SMIM23: variants seen among roughly 807,000 people sequenced by gnomAD.
SMIM23 encodes small integral membrane protein 23.
In SMIM23, 10 loss-of-function variants were observed where a neutral mutation model predicts 12.8. That is an observed-to-expected ratio of 0.78 (90% confidence interval 0.48 to 1.32). The LOEUF is 1.32. SMIM23 is among the 40% of genes most tolerant of loss of function. The probability of loss-of-function intolerance (pLI) is 0.00; values close to 1 mark genes in which losing one functional copy is unlikely to be tolerated. For missense variants in SMIM23, 184 were observed against 198.2 expected, an observed-to-expected ratio of 0.93 and a Z score of 0.43; for synonymous variants, 78 against 80.1, an observed-to-expected ratio of 0.97 and a Z score of 0.14.
upstream of SMIM23, among the ~76,000 whole-genome samples, chr5:171,777,437 G>A (rs190718851): frequency 4.6e-5 from 7 of 152,288 alleles, no homozygotes; most frequent in Non-Finnish European, 1.0e-4. Context: ...CTGGTTACGG[G>A]GCATGCAGAA....
chr5:171,780,474 A>C (rs922278945), upstream of SMIM23, among the ~76,000 whole-genome samples: 1 of 152,204 alleles, frequency 6.6e-6, no homozygotes, highest in Admixed American at 6.5e-5. Context: ...CTGCCTTCCG[A>C]AGGAGTTTCC....
At chr5:171,773,727 G>T in the SMIM23 span, 1 of 454,444 alleles carries the variant, frequency 2.2e-6, no homozygotes, top group South Asian at 1.6e-5. Context: ...AAGGAAGCTA[G>T]GCTGCCCAGC....
At chr5:171,784,097 C>T (rs1034028819), upstream of SMIM23, among the ~76,000 whole-genome samples, 5 of 151,772 alleles carry the variant, frequency 3.3e-5, no homozygotes, top group African/African-American at 1.2e-4. Flanking sequence ...TAAAAAATTG[C>T]TTAATAAAAT....
upstream of SMIM23, among the ~76,000 whole-genome samples, chr5:171,784,094 T>A (rs1755770085): frequency 6.6e-6 from 1 of 151,910 alleles, no homozygotes; most frequent in South Asian, 2.1e-4. Context: ...TAATAAAAAA[T>A]TGCTTAATAA....
chr5:171,791,036 AC>A lies in SMIM23; in HGVS notation c.468del (p.His156GlnfsTer8). On this transcript the variant is annotated frameshift_variant, in exon 4 of 4. Coordinates refer to ENST00000523047, the MANE Select transcript of SMIM23 (RefSeq NM_001289970.2). LOFTEE classifies it low-confidence loss of function (END_TRUNC). The stretch of plus-strand genomic sequence containing the variant: ...TGGGCCTGGGCCCTGGGGAGAGAGC[AC>A]AAAGGTGGGGAGGGGTTGCTAGAGA... ...WEWAWALGRE[H>X]KGGEGLLEIS... 1 of 1,532,180 alleles carries A rather than the reference AC, an allele frequency of 6.5e-7. No individual in the cohort carries two copies. The highest frequency in any genetic ancestry group is 8.7e-7 in the Non-Finnish European group (1 of 1,145,282). The allele number at this position is 1,532,180 out of a possible 1,614,324, so 94.9% of individuals were successfully genotyped here.
chr5:171,776,250 A>T, the SMIM23 span, among the ~76,000 whole-genome samples: 1 of 134,078 alleles, frequency 7.5e-6, no homozygotes, highest in African/African-American at 2.8e-5. Flanking sequence ...CCACGGTCTC[A>T]CAGTGAGCGG....
At chr5:171,775,362 C>G in the SMIM23 span, among the ~76,000 whole-genome samples, 1 of 152,172 alleles carries the variant, frequency 6.6e-6, no homozygotes, top group East Asian at 1.9e-4. Flanking sequence ...CCTTCGGGCC[C>G]TGCTGTCACG....
intron 1 of SMIM23, 132 bp downstream of exon 1, chr5:171,786,108 G>A: frequency 4.2e-6 from 3 of 712,412 alleles, no homozygotes; most frequent in East Asian, 5.4e-5. Context: ...CTCTGATGGA[G>A]CACAGTTTAG....
At position 171,790,563 on chromosome 5, in the gene SMIM23, CA is replaced by C; in HGVS notation, c.225+16del. The C allele has an allele frequency of 6.5e-7, 1 of 1,536,066 alleles. No individual in the cohort carries two copies. The highest frequency in any genetic ancestry group is 8.7e-7 in the Non-Finnish European group (1 of 1,146,488). On this transcript the variant is annotated intron_variant, in intron 3 of 3. Coordinates refer to ENST00000523047, the MANE Select transcript of SMIM23 (RefSeq NM_001289970.2). Reference sequence around the variant, plus strand: ...GCAGTTCCCCAGGTAACATGTCCAGCAAGGTACTGAGGTGAGGCAATCTGGG... The same window carrying C: ...GCAGTTCCCCAGGTAACATGTCCAGCAGGTACTGAGGTGAGGCAATCTGGG...
chr5:171,774,328 T>C, the SMIM23 span: 70 of 443,392 alleles, frequency 1.6e-4, no homozygotes, highest in Non-Finnish European at 2.9e-4. Flanking sequence ...AGTAATGTTG[T>C]TCCTGTTCTA....
At chr5:171,775,711 G>A in the SMIM23 span, among the ~76,000 whole-genome samples, 5 of 152,306 alleles carry the variant, frequency 3.3e-5, no homozygotes, top group South Asian at 2.1e-4. Flanking sequence ...GAGTTGCTGC[G>A]AGGATTCTAT....
chr5:171,773,180 C>G, the SMIM23 span, among the ~76,000 whole-genome samples: 3 of 152,214 alleles, frequency 2.0e-5, no homozygotes, highest in Non-Finnish European at 4.4e-5. Flanking sequence ...TTAGGCGGGT[C>G]TCTTCGGTTC....
At chr5:171,777,623 G>A (rs1204385571), upstream of SMIM23, among the ~76,000 whole-genome samples, 1 of 152,240 alleles carries the variant, frequency 6.6e-6, no homozygotes, top group Non-Finnish European at 1.5e-5. Context: ...CTACTCAGTG[G>A]CAGGTGCTGC....
the SMIM23 span, among the ~76,000 whole-genome samples, chr5:171,775,714 G>T: frequency 6.6e-6 from 1 of 152,168 alleles, no homozygotes; most frequent in Non-Finnish European, 1.5e-5. Context: ...TTGCTGCGAG[G>T]ATTCTATAAG....
the SMIM23 span, among the ~76,000 whole-genome samples, chr5:171,773,468 T>G: frequency 3.1e-3 from 472 of 152,120 alleles, no homozygotes; most frequent in Non-Finnish European, 5.5e-3. Context: ...AACAGATAAT[T>G]ACAGGGCATG....
chr5:171,784,656 A>G (rs1256864044), upstream of SMIM23, among the ~76,000 whole-genome samples: 1 of 152,230 alleles, frequency 6.6e-6, no homozygotes, highest in African/African-American at 2.4e-5. Context: ...CCATGATGCT[A>G]TGGCCCAGCA....
At chr5:171,777,604 A>G (rs994044057), upstream of SMIM23, among the ~76,000 whole-genome samples, 2 of 152,186 alleles carry the variant, frequency 1.3e-5, no homozygotes, top group African/African-American at 4.8e-5. Context: ...GTGAACAAAC[A>G]CTGAGCTTCT....
At chr5:171,788,233 T>C (rs1755854891) in intron 1 of SMIM23, among the ~76,000 whole-genome samples, 1 of 151,136 alleles carries the variant, frequency 6.6e-6, no homozygotes, top group Non-Finnish European at 1.5e-5. Flanking sequence ...AAAGCCATGG[T>C]CAAAATTTCC....
the SMIM23 span, among the ~76,000 whole-genome samples, chr5:171,775,527 G>A: frequency 6.6e-6 from 1 of 152,158 alleles, no homozygotes; most frequent in Non-Finnish European, 1.5e-5. Flanking sequence ...CTTTGCCTGA[G>A]TCTGTCTCCT....
Sources: gnomAD v4.1 joint callset for allele counts (sites outside exome capture counted in the v4.1 genomes callset) on GRCh38, gnomAD v4.1.1 for gene constraint, MANE v1.5 for transcripts, NCBI Gene and HGNC (gene_info 2026-07-23, HGNC 2026-07-21) for gene names.